ADAMTSL1: variants seen among roughly 807,000 people sequenced by gnomAD.
The protein encoded by ADAMTSL1 is ADAMTS like 1, also known as ADAMTS-like protein 1.
A neutral mutation model predicts 201.8 loss-of-function variants in ADAMTSL1; 126 were observed. The observed-to-expected ratio is 0.62, with a 90% CI of 0.54 to 0.72. The LOEUF is 0.72. Ranked by LOEUF, ADAMTSL1 falls within the 30% of genes least tolerant of loss-of-function variation. ADAMTSL1 has a pLI of 0.00. For synonymous variants in ADAMTSL1, 1,121 were observed against 903.4 expected, an observed-to-expected ratio of 1.24 and a Z score of -4.32; for missense variants, 2,679 against 2,277.8, an observed-to-expected ratio of 1.18 and a Z score of -3.59.
chr9:18,242,707 C>G (rs1055448037), intron 2 of ADAMTSL1, among the ~76,000 whole-genome samples: 1 of 151,980 alleles, frequency 6.6e-6, no homozygotes, highest in Non-Finnish European at 1.5e-5. Flanking sequence ...CATTTTTATA[C>G]ACAAATCACA....
rs192301257 is a variant in ADAMTSL1 at position 17,938,527 on chromosome 9, C to G, written c.87+31605C>G. 8.9e-4 allele frequency among the ~76,000 whole-genome samples: 136 copies of G among 152,242 alleles called. 1 individual carries two copies. Among genetic ancestry groups the G allele is most frequent in the African/African-American group, 3.1e-3 (129 of 41,544 alleles). On this transcript the variant is annotated intron_variant, in intron 1 of 29. Coordinates refer to the ADAMTSL1 transcript ENST00000680146. ...TTCATTGTGTCAGGTTTGACTGAAG[C>G]CAGTATTCCCTATAATTTGTTCCAC...
At chr9:18,847,993 C>T (rs1176459058) in intron 23 of ADAMTSL1, among the ~76,000 whole-genome samples, 1 of 152,200 alleles carries the variant, frequency 6.6e-6, no homozygotes, top group East Asian at 1.9e-4. Context: ...TTATTGGAAA[C>T]CATGTGGCCA....
intron 4 of ADAMTSL1, among the ~76,000 whole-genome samples, chr9:18,577,390 G>C (rs1435269226): frequency 6.6e-6 from 1 of 152,154 alleles, no homozygotes; most frequent in Non-Finnish European, 1.5e-5. Context: ...GGAGGCTGAG[G>C]CAGGACAATG....
At chr9:18,101,321 C>T (rs1052197149) in intron 1 of ADAMTSL1, among the ~76,000 whole-genome samples, 1 of 151,894 alleles carries the variant, frequency 6.6e-6, no homozygotes, top group Admixed American at 6.6e-5. Context: ...CAGGGTGAAA[C>T]CCCGTATCTA....
At chr9:17,969,596 A>AT (rs1818123031) in intron 1 of ADAMTSL1, among the ~76,000 whole-genome samples, 1 of 152,016 alleles carries the variant, frequency 6.6e-6, no homozygotes, top group African/African-American at 2.4e-5. Context: ...TGAGTTGTAC[A>AT]TTCTGTTTGT....
chr9:18,062,448 G>T (rs1822500678), intron 1 of ADAMTSL1, among the ~76,000 whole-genome samples: 1 of 152,050 alleles, frequency 6.6e-6, no homozygotes, highest in Non-Finnish European at 1.5e-5. Context: ...GAATAAAAAT[G>T]CATATGAGTG....
chr9:17,909,516 T>C lies in ADAMTSL1; in HGVS notation c.87+2594T>C, dbSNP rs1825851866. 4.3e-5 allele frequency among the ~76,000 whole-genome samples: 3 copies of C among 69,662 alleles called. 1 individual carries two copies. Among genetic ancestry groups the C allele is most frequent in the African/African-American group, 8.7e-5 (3 of 34,508 alleles). 45.7% of individuals were successfully genotyped at this position (69,662 alleles called of 152,430 possible). A position where few individuals can be genotyped will look rare whatever the true frequency, so the allele number is the denominator to read the frequency against. Reference sequence around the variant, plus strand: ...TTTCGTATAAGGTGTAAGGAAGGGATGCAGACACATGCACACGTATGTTTA... The same window carrying C: ...TTTCGTATAAGGTGTAAGGAAGGGACGCAGACACATGCACACGTATGTTTA... On this transcript the variant is annotated intron_variant, in intron 1 of 29. Transcript: ENST00000680146.
chr9:17,977,938 A>T (rs139514363), intron 1 of ADAMTSL1, among the ~76,000 whole-genome samples: 1 of 151,884 alleles, frequency 6.6e-6, no homozygotes, highest in Non-Finnish European at 1.5e-5. Flanking sequence ...TTGTATTGCT[A>T]TTTCCCCCTT....
At chr9:18,833,153 T>C (rs541699871) in intron 23 of ADAMTSL1, among the ~76,000 whole-genome samples, 1 of 152,314 alleles carries the variant, frequency 6.6e-6, no homozygotes, top group Non-Finnish European at 1.5e-5. Context: ...TCCATAACTA[T>C]AAAAATGAAA....
chr9:18,293,668 T>A (rs956668004), intron 2 of ADAMTSL1, among the ~76,000 whole-genome samples: 1 of 152,218 alleles, frequency 6.6e-6, no homozygotes, highest in Admixed American at 6.5e-5. Context: ...TCATATGCAA[T>A]TTGGCCTTAT....
At chr9:18,696,344 A>G in intron 13 of ADAMTSL1, among the ~76,000 whole-genome samples, 1 of 152,212 alleles carries the variant, frequency 6.6e-6, no homozygotes, top group South Asian at 2.1e-4. Flanking sequence ...CATTGACCAC[A>G]TTGAAGGAAG....
intron 2 of ADAMTSL1, among the ~76,000 whole-genome samples, chr9:18,466,619 T>A (rs1821015813): frequency 6.6e-6 from 1 of 152,176 alleles, no homozygotes; most frequent in Admixed American, 6.5e-5. Context: ...TATGCAATTT[T>A]ATTTGTCAAT....
intron 2 of ADAMTSL1, among the ~76,000 whole-genome samples, chr9:18,171,981 A>T (rs1341953450): frequency 6.6e-6 from 1 of 152,066 alleles, no homozygotes; most frequent in African/African-American, 2.4e-5. Flanking sequence ...CAAAGATCAG[A>T]TGGTTGTAGA....
Position 18,904,633 on chromosome 9 carries a change from C to CA in ADAMTSL1, c.4852-1110dup, listed in dbSNP as rs71333072. ...TGGGCAACAGAAAGAGACCCTGCCT[C>CA]AAAAAAAAAAAAAAAAAAAAAAAAA... is the stretch of plus-strand genomic sequence containing the variant. On this transcript the variant is annotated intron_variant, in intron 26 of 28. Transcript: ENST00000380548. 6.9e-3 allele frequency among the ~76,000 whole-genome samples: 104 copies of CA among 15,006 alleles called. 28 individuals carry two copies. Among genetic ancestry groups the CA allele is most frequent in the Non-Finnish European group, 9.4e-3 (79 of 8,422 alleles). The allele number at this position is 15,006 out of a possible 152,430, so 9.8% of individuals were successfully genotyped here. A position where few individuals can be genotyped will look rare whatever the true frequency, so the allele number is the denominator to read the frequency against.
At chr9:18,163,019 A>G (rs944462795) in intron 1 of ADAMTSL1, among the ~76,000 whole-genome samples, 1 of 152,036 alleles carries the variant, frequency 6.6e-6, no homozygotes, top group African/African-American at 2.4e-5. Flanking sequence ...GAGTAAACTG[A>G]GGCATAGAGA....
chr9:18,496,216 T>A (rs895794291), intron 1 of ADAMTSL1, among the ~76,000 whole-genome samples: 9 of 152,326 alleles, frequency 5.9e-5, no homozygotes, highest in African/African-American at 2.2e-4. Flanking sequence ...TCAAGTAACT[T>A]CAGGTTAAGG....
At chr9:18,074,501 C>A (rs1563983939) in intron 1 of ADAMTSL1, among the ~76,000 whole-genome samples, 2 of 71,166 alleles carry the variant, frequency 2.8e-5, no homozygotes, top group Admixed American at 1.3e-4. Context: ...CTTTTCTTTT[C>A]TTTTCTTTTC....
At chr9:18,368,239 A>G (rs1373199658) in intron 2 of ADAMTSL1, among the ~76,000 whole-genome samples, 1 of 151,996 alleles carries the variant, frequency 6.6e-6, no homozygotes, top group Non-Finnish European at 1.5e-5. Flanking sequence ...AAAGTGTATC[A>G]CATGCTTTCT....
At chr9:18,577,160 G>C (rs906248630) in intron 4 of ADAMTSL1, among the ~76,000 whole-genome samples, 1 of 152,142 alleles carries the variant, frequency 6.6e-6, no homozygotes, top group Admixed American at 6.5e-5. Context: ...TTCACTTACA[G>C]ATTGGAAAGC....
Sources: allele counts gnomAD v4.1 joint callset (sites outside exome capture counted in the v4.1 genomes callset), GRCh38; gene constraint gnomAD v4.1.1; transcripts MANE v1.5; gene names NCBI Gene and HGNC (gene_info 2026-07-23, HGNC 2026-07-21).